The following CDC6 variants were observed in gnomAD, a reference collection of about 807,000 sequenced individuals.
The protein encoded by CDC6 is cell division cycle 6.
A neutral mutation model predicts 60.2 loss-of-function variants in CDC6; 46 were observed. The ratio of observed to expected loss-of-function variants is 0.76; its 90% CI spans 0.60 to 0.98. The LOEUF is 0.98. Ranked by LOEUF, CDC6 falls within the 50% of genes least tolerant of loss-of-function variation. The pLI is 0.00. For missense variants in CDC6, 596 were observed against 652.9 expected (o/e 0.91, Z 0.95); for synonymous variants, 210 against 233.2 (o/e 0.90, Z 0.90).
rs138651143 is a variant in CDC6, at chr17:40,302,143, C to A, written c.*142C>A. ...GCCAATGAATTTTAATCTATAGATT[C>A]TTTAATATTAGCACAGAATAATATC... is the stretch of plus-strand genomic sequence containing the variant. On this transcript the variant is annotated 3_prime_UTR_variant, in exon 12 of 12. Transcript: ENST00000209728. 87 of 706,210 alleles carry A rather than the reference C, an allele frequency of 1.2e-4. 1 individual carries two copies. In the African/African-American group the frequency reaches 1.3e-3, roughly 10 times the overall value. The allele number at this position is 706,210 out of a possible 1,614,324, so 43.7% of individuals were successfully genotyped here.
chr17:40,296,580 C>T, intron 8 of CDC6, 123 bp from the exon 9 acceptor site: 1 of 695,208 alleles, frequency 1.4e-6, no homozygotes, highest in South Asian at 1.6e-5. Context: ...TGTTAGCCTA[C>T]ATGACCATTG....
At chr17:40,296,647 G>T in intron 8 of CDC6, 56 bp from the exon 9 acceptor site, 1 of 969,322 alleles carries the variant, frequency 1.0e-6, no homozygotes, top group Non-Finnish European at 1.7e-6. Context: ...GAGGCTGGTG[G>T]TTTGGTGTGT....
chr17:40,293,920 T>C (rs759437770), intron 5 of CDC6, 30 bp from the exon 6 acceptor site: 1 of 1,551,710 alleles, frequency 6.4e-7, no homozygotes, highest in Non-Finnish European at 8.9e-7. Flanking sequence ...AGAAGGTGAA[T>C]ATGGATACTA....
Position 40,295,342 on chromosome 17 carries a change from T to C in CDC6, c.1084-14T>C. 2 of 1,535,370 alleles carry C rather than the reference T, an allele frequency of 1.3e-6. No individual in the cohort carries two copies. Among genetic ancestry groups the C allele is most frequent in the Non-Finnish European group, 1.8e-6 (2 of 1,108,048 alleles). On this transcript the variant is annotated splice_polypyrimidine_tract_variant and intron_variant, in intron 7 of 11. Coordinates refer to ENST00000209728, the MANE Select transcript of CDC6 (RefSeq NM_001254.4). ...TTATGGTTCAAACTGTCATCTTCTA[T>C]GTCTTGTCTGAAGGTATCTAGAGAT...
At chr17:40,296,850 A>G (rs1391021815) in intron 9 of CDC6, 83 bp downstream of exon 9, 3 of 943,480 alleles carry the variant, frequency 3.2e-6, no homozygotes, top group Non-Finnish European at 3.5e-6. Context: ...GATGAAATGA[A>G]CATAGTTAAA....
chr17:40,294,559 A>G, intron 7 of CDC6, 56 bp downstream of exon 7: 1 of 1,528,336 alleles, frequency 6.5e-7, no homozygotes, highest in Non-Finnish European at 9.1e-7. Flanking sequence ...TGTGCTAGGA[A>G]AATTTAACAA....
chr17:40,296,800 G>T (rs775420189), intron 9 of CDC6, 33 bp downstream of exon 9: 1 of 1,334,768 alleles, frequency 7.5e-7, no homozygotes, highest in East Asian at 2.3e-5. Flanking sequence ...GTCTTCCTTT[G>T]TAACTAGAAG....
chr17:40,289,404 C>G lies in CDC6; in HGVS notation c.-13-4C>G. On this transcript the variant is annotated splice_polypyrimidine_tract_variant and splice_region_variant and intron_variant, in intron 1 of 11. Transcript: ENST00000209728. Reference sequence around the variant, plus strand: ...TAGTTGTCCTCTTATTTTTTTTAATCTAGCTGTGCTGTCGTCATGCCTCAA... The same window carrying G: ...TAGTTGTCCTCTTATTTTTTTTAATGTAGCTGTGCTGTCGTCATGCCTCAA... 1.2e-6 allele frequency: 2 copies of G among 1,611,936 alleles called. No homozygotes were observed. The highest frequency in any genetic ancestry group is 8.5e-7 in the Non-Finnish European group (1 of 1,178,314).
At chr17:40,294,145 A>T in intron 6 of CDC6, 89 bp downstream of exon 6, 1 of 1,132,498 alleles carries the variant, frequency 8.8e-7, no homozygotes, top group Admixed American at 1.7e-5. Context: ...ATTTTATCTT[A>T]AACCAGCTTT....
At chr17:40,292,589 C>T (rs890312663) in intron 4 of CDC6, among the ~76,000 whole-genome samples, 1 of 149,236 alleles carries the variant, frequency 6.7e-6, no homozygotes, top group Non-Finnish European at 1.5e-5. Flanking sequence ...GAGCTGAGAT[C>T]GCGCTACTGT....
Position 40,299,138 on chromosome 17 carries a change from C to CTTTTTTTTTTTTTTTTTTT in CDC6, c.1250-1680_1250-1662dup, listed in dbSNP as rs67162965. 8.2e-5 allele frequency among the ~76,000 whole-genome samples: 5 copies of CTTTTTTTTTTTTTTTTTTT among 60,780 alleles called. 1 individual carries two copies. Among genetic ancestry groups the CTTTTTTTTTTTTTTTTTTT allele is most frequent in the African/African-American group, 2.3e-4 (3 of 13,002 alleles). The allele number at this position is 60,780 out of a possible 152,430, so 39.9% of individuals were successfully genotyped here. On this transcript the variant is annotated intron_variant, in intron 9 of 11. Transcript: ENST00000209728. ...CATCTCCAAACGATAAGGCCATAGT[C>CTTTTTTTTTTTTTTTTTTT]TTTTTTTTTTTTTTTTTTTTTTTTT...
Position 40,300,864 on chromosome 17 carries a change from T to G in CDC6, c.1286T>G (p.Val429Gly). 3 of 1,614,082 alleles carry G rather than the reference T, an allele frequency of 1.9e-6. No homozygotes were observed. The highest frequency in any genetic ancestry group is 2.5e-6 in the Non-Finnish European group (3 of 1,179,952). ...SPSEPLIPKR[V>G]GLIHISQVIS... is the part of the protein sequence containing the mutation. Reference sequence around the variant, plus strand: ...TCTGAGCCTCTGATTCCCAAGAGGGTTGGTCTTATTCACATATCCCAAGTC... The same window carrying G: ...TCTGAGCCTCTGATTCCCAAGAGGGGTGGTCTTATTCACATATCCCAAGTC... Residue 429 changes from valine (V) to glycine (G), a missense_variant, in exon 10 of 12, where the codon GTT becomes GGT. Physicochemically the swap from Val to Gly is moderately radical, Grantham distance 109. Coordinates refer to ENST00000209728, the MANE Select transcript of CDC6 (RefSeq NM_001254.4).
Position 40,289,557 on chromosome 17 carries a change from C to A in CDC6, c.137C>A (p.Pro46His), listed in dbSNP as rs1311115587. The A allele has an allele frequency of 2.5e-6, 4 of 1,614,070 alleles. No individual in the cohort carries two copies. The highest frequency in any genetic ancestry group is 3.4e-6 in the Non-Finnish European group (4 of 1,180,002). Residue 46 changes from proline to histidine, a missense_variant, in exon 2 of 12, where the codon CCT (proline) becomes CAT (histidine). Transcript: ENST00000209728. ...AATGTCCAAACCGTAACCTGTTCTC[C>A]TCGTGTAAAAGCCCTGCCTCTCAGC... is the stretch of plus-strand genomic sequence containing the variant. The part of the protein sequence containing the change: ...PTNVQTVTCS[P>H]RVKALPLSPR...
intron 1 of CDC6, chr17:40,289,061 G>A (rs1303174255): frequency 1.3e-5 from 4 of 319,118 alleles, no homozygotes; most frequent in Non-Finnish European, 2.4e-5. Flanking sequence ...TCTGGCACCA[G>A]ATGCCCGGGG....
intron 4 of CDC6, among the ~76,000 whole-genome samples, chr17:40,292,512 A>G (rs1397290547): frequency 1.3e-5 from 2 of 152,016 alleles, no homozygotes; most frequent in South Asian, 2.1e-4. Context: ...GCAGGTGCCT[A>G]TAATCCCAGC....
chr17:40,301,828 G>C, intron 11 of CDC6, 84 bp from the exon 12 acceptor site: 8 of 1,038,384 alleles, frequency 7.7e-6, no homozygotes, highest in Non-Finnish European at 1.2e-5. Context: ...GTGAGAAAAA[G>C]TTTAATATGG....
At chr17:40,296,604 T>A in intron 8 of CDC6, 99 bp from the exon 9 acceptor site, 2 of 738,556 alleles carry the variant, frequency 2.7e-6, no homozygotes, top group Non-Finnish European at 5.0e-6. Flanking sequence ...ATAGTTGCAG[T>A]CTTTGAGCAA....
rs756724613 is a variant in CDC6 at position 40,301,464 on chromosome 17, C to G, written c.1453-4C>G. 6.2e-7 allele frequency: 1 copy of G among 1,613,760 alleles called. No individual in the cohort carries two copies. Among genetic ancestry groups the G allele is most frequent in the South Asian group, 1.1e-5 (1 of 91,086 alleles). On this transcript the variant is annotated splice_region_variant and splice_polypyrimidine_tract_variant and intron_variant, in intron 10 of 11. Transcript: ENST00000209728. ...AGCGTTTGTTCTCCCTTGTTTCCTA[C>G]CAGTTATATGAAGCCTACAGTAAAG...
chr17:40,301,717 GT>G, intron 11 of CDC6, 109 bp downstream of exon 11: 1 of 1,274,820 alleles, frequency 7.8e-7, no homozygotes, highest in Non-Finnish European at 1.1e-6. Flanking sequence ...TAAACAAGTC[GT>G]TTTTTGTTAG....
Sources: gnomAD v4.1 joint callset for allele counts (sites outside exome capture counted in the v4.1 genomes callset) on GRCh38, gnomAD v4.1.1 for gene constraint, MANE v1.5 for transcripts, NCBI Gene and HGNC (gene_info 2026-07-23, HGNC 2026-07-21) for gene names.